The following BBS5 variants were observed in gnomAD, a reference collection of about 807,000 sequenced individuals.
BBS5 encodes the protein Bardet-Biedl syndrome 5.
A neutral mutation model predicts 50.2 loss-of-function variants in BBS5; 39 were observed. The ratio of observed to expected loss-of-function variants is 0.78; its 90% CI spans 0.60 to 1.01. The LOEUF (loss-of-function observed/expected upper bound fraction) is 1.01, where lower values mean the gene tolerates loss of function less well. Among genes scored for constraint, BBS5 ranks in the 50% least tolerant of loss-of-function variants. BBS5 has a pLI of 0.00. For synonymous variants in BBS5, 134 were observed against 133.1 expected, an observed-to-expected ratio of 1.01 and a Z score of -0.05; for missense variants, 356 against 401.5, an observed-to-expected ratio of 0.89 and a Z score of 0.97.
At position 169,500,419 on chromosome 2, in the gene BBS5, T is replaced by G. The variant is rs115467349; in HGVS notation, c.816+799T>G. The stretch of plus-strand genomic sequence containing the variant: ...TCACCATTCTGTCAGAGGTGCTCTT[T>G]CCATTTGCTCCACTGCCATTGCCCT... On this transcript the variant is annotated intron_variant, in intron 9 of 11. Coordinates refer to ENST00000295240, the MANE Select transcript of BBS5 (RefSeq NM_152384.3). 8.7e-3 allele frequency among the ~76,000 whole-genome samples: 1,328 copies of G among 152,302 alleles called. 25 individuals carry two copies. The highest frequency in any genetic ancestry group is 0.03 in the African/African-American group (1,252 of 41,554).
At chr2:169,502,166 T>C (rs1298292759) in intron 9 of BBS5, among the ~76,000 whole-genome samples, 1 of 152,216 alleles carries the variant, frequency 6.6e-6, no homozygotes, top group Non-Finnish European at 1.5e-5. Context: ...TAGCACACGA[T>C]AGGCTCTTAG....
Position 169,493,774 on chromosome 2 carries a change from A to C in BBS5, c.556A>C (p.Arg186=). 1 of 1,613,034 alleles carries C rather than the reference A, an allele frequency of 6.2e-7. No homozygotes were observed. Among genetic ancestry groups the C allele is most frequent in the African/African-American group, 1.3e-5 (1 of 75,020 alleles). The change falls in exon 7 of 12, where the codon AGA becomes CGA. Residue 186 remains arginine (R), a synonymous_variant. Transcript: ENST00000295240. Reference sequence around the variant, plus strand: ...AGGAACCTTTTTTATTACCAATGTGAGAATTGTGTGGCATGCAAATATGAA... The same window carrying C: ...AGGAACCTTTTTTATTACCAATGTGCGAATTGTGTGGCATGCAAATATGAA... ...NLGTFFITNV[R]IVWHANMNDS... is the part of the protein sequence containing the mutation.
In BBS5 at chr2:169,504,581, G is replaced by T; in HGVS notation, c.1025G>T (p.Ter342LeuextTer5). Residue 342 changes from the stop codon to leucine, a stop_lost, in exon 12 of 12, where the codon TGA becomes TTA. Transcript: ENST00000295240. ...CAGGGACTTTGGGAAGTAATGAGTT[G>T]ATTGACCTTGAGTTGAGATGGATTT... is the stretch of plus-strand genomic sequence containing the variant. ...TLQGLWEVMS[*>L] 6.2e-7 allele frequency: 1 copy of T among 1,600,414 alleles called. No homozygotes were observed. Among genetic ancestry groups the T allele is most frequent in the Non-Finnish European group, 8.6e-7 (1 of 1,167,540 alleles).
intron 7 of BBS5, among the ~76,000 whole-genome samples, 162 bp from the exon 8 acceptor site, chr2:169,497,465 T>C (rs372116924): frequency 1.3e-5 from 2 of 152,240 alleles, no homozygotes; most frequent in African/African-American, 4.8e-5. Context: ...GAGTCTTGTT[T>C]CTTTTACTTG....
chr2:169,502,290 ATAT>A (rs967371429), intron 9 of BBS5, among the ~76,000 whole-genome samples: 1 of 152,188 alleles, frequency 6.6e-6, no homozygotes, highest in African/African-American at 2.4e-5. Flanking sequence ...ACTGTGAGGC[ATAT>A]TATTATTATC....
rs1303691405 is a variant in BBS5, at chr2:169,486,261, T to C, written c.143-808T>C. Among the ~76,000 whole-genome samples the C allele has an allele frequency of 4.6e-5, 7 of 152,316 alleles. No homozygotes were observed. The East Asian group carries it at 1.2e-3, about 25-fold the overall frequency. On this transcript the variant is annotated intron_variant, in intron 2 of 11. Transcript: ENST00000295240. The stretch of plus-strand genomic sequence containing the variant: ...GCTATAGATTACTCATAAAAATAAT[T>C]TTATGATTGTAATTTGTTGGTGAAA...
At chr2:169,491,945 C>T (rs1354559187) in intron 5 of BBS5, among the ~76,000 whole-genome samples, 5 of 152,048 alleles carry the variant, frequency 3.3e-5, no homozygotes, top group Admixed American at 1.3e-4. Flanking sequence ...TACAAGTGCA[C>T]ACCACCACAC....
Position 169,504,629 on chromosome 2 carries a change from A to G in BBS5, c.*47A>G. 1 of 1,388,242 alleles carries G rather than the reference A, an allele frequency of 7.2e-7. No homozygotes were observed. Among genetic ancestry groups the G allele is most frequent in the Non-Finnish European group, 1.0e-6 (1 of 973,958 alleles). The allele number at this position is 1,388,242 out of a possible 1,614,324, so 86.0% of individuals were successfully genotyped here. On this transcript the variant is annotated 3_prime_UTR_variant, in exon 12 of 12. Coordinates refer to ENST00000295240, the MANE Select transcript of BBS5 (RefSeq NM_152384.3). ...TTTCTATTAAAGATATCTCTAGTTT[A>G]AAGATACTAGTCACCTGCCATAAGT...
chr2:169,487,620 AT>A, intron 3 of BBS5, 185 bp from the exon 4 acceptor site: 1 of 467,398 alleles, frequency 2.1e-6, no homozygotes. Context: ...AGGAGACAGA[AT>A]TGACCCTCTA....
chr2:169,491,452 A>C (rs950876703), intron 5 of BBS5, among the ~76,000 whole-genome samples: 1 of 152,244 alleles, frequency 6.6e-6, no homozygotes, highest in Non-Finnish European at 1.5e-5. Context: ...TAAAAATTAG[A>C]AGTTCAACAA....
Position 169,503,156 on chromosome 2 carries a change from A to G in BBS5, c.878A>G (p.Asp293Gly), listed in dbSNP as rs933203578. 6.2e-7 allele frequency: 1 copy of G among 1,613,718 alleles called. No homozygotes were observed. Reference protein sequence around the residue: ...QIQDDVEIDSDGHTDAFVAYF... With the variant: ...QIQDDVEIDSGGHTDAFVAYF... ...CAAGATGATGTAGAAATAGACTCTG[A>G]TGGTCACACGGATGCTTTTGTGGTG... The change falls in exon 10 of 12, where the codon GAT becomes GGT. Residue 293 changes from aspartate (D) to glycine (G), a missense_variant. Coordinates refer to ENST00000295240, the MANE Select transcript of BBS5 (RefSeq NM_152384.3).
chr2:169,490,122 G>T (rs757390448), intron 5 of BBS5, among the ~76,000 whole-genome samples: 1 of 147,146 alleles, frequency 6.8e-6, no homozygotes, highest in Non-Finnish European at 1.5e-5. Flanking sequence ...TGATCTGCCC[G>T]CCTCAGCCTC....
intron 5 of BBS5, among the ~76,000 whole-genome samples, chr2:169,491,177 A>C (rs143906811): frequency 6.6e-6 from 1 of 152,322 alleles, no homozygotes; most frequent in African/African-American, 2.4e-5. Context: ...TTGGGCATAT[A>C]CCTAAACCTT....
In BBS5 at chr2:169,499,526, A is replaced by G. The variant is rs1683759828; in HGVS notation, c.722A>G (p.Glu241Gly). ...YVLGFKIDPV[E>G]KLQESVKEIN... The stretch of plus-strand genomic sequence containing the variant: ...CTTGGCTTTAAAATAGATCCTGTGG[A>G]AAAACTACAAGAATCAGTTAAGGAA... Residue 241 changes from glutamate to glycine, a missense_variant, in exon 9 of 12, where the codon GAA becomes GGA. By Grantham distance (98) the Glu-to-Gly change is moderately conservative (BLOSUM62 -2). Coordinates refer to ENST00000295240, the MANE Select transcript of BBS5 (RefSeq NM_152384.3). 1.9e-6 allele frequency: 3 copies of G among 1,613,574 alleles called. No homozygotes were observed. The African/African-American group carries it at 4.0e-5, about 22-fold the overall frequency.
Position 169,504,758 on chromosome 2 carries a change from CG to C in BBS5, c.*177del. ...TTAGAAAACTTCAGTTTTCGGCCAGCGCGTCGAGGGAGGGGCCAGCGACACA... is the reference window on the plus strand; with the variant it reads ...TTAGAAAACTTCAGTTTTCGGCCAGCCGTCGAGGGAGGGGCCAGCGACACA... On this transcript the variant is annotated 3_prime_UTR_variant, in exon 12 of 12. Coordinates refer to ENST00000295240, the MANE Select transcript of BBS5 (RefSeq NM_152384.3). The C allele has an allele frequency of 7.5e-7, 1 of 1,337,336 alleles. No homozygotes were observed. Among genetic ancestry groups the C allele is most frequent in the South Asian group, 1.3e-5 (1 of 75,730 alleles). 82.8% of individuals were successfully genotyped at this position (1,337,336 alleles called of 1,614,324 possible).
chr2:169,482,438 G>A lies in BBS5; in HGVS notation c.142+105G>A, dbSNP rs1683414443. On this transcript the variant is annotated intron_variant, in intron 2 of 11. Coordinates refer to ENST00000295240, the MANE Select transcript of BBS5 (RefSeq NM_152384.3). The stretch of plus-strand genomic sequence containing the variant: ...AACAGCATCATTTGTCAGTGTAATT[G>A]TGAGAATAGGAGAGTTAAATTCACA... 9 of 832,220 alleles carry A rather than the reference G, an allele frequency of 1.1e-5. No homozygotes were observed. In the Admixed American group the frequency reaches 1.4e-4, roughly 13 times the overall value. 51.6% of individuals were successfully genotyped at this position (832,220 alleles called of 1,614,324 possible).
At chr2:169,503,511 A>C (rs1559126452) in intron 10 of BBS5, among the ~76,000 whole-genome samples, 1 of 152,250 alleles carries the variant, frequency 6.6e-6, no homozygotes, top group Non-Finnish European at 1.5e-5. Context: ...AAAAAGAAAA[A>C]AAAGGAAAGA....
At position 169,492,955 on chromosome 2, in the gene BBS5, A is replaced by G. The variant is rs200636409; in HGVS notation, c.468A>G (p.Pro156=). ...LIQNKQLRLL[P]QEHVYDKING... ...AGAACAAGCAACTAAGACTGTTGCC[A>G]CAAGAACATGTATATGATAAAATAA... Residue 156 remains proline (P), a synonymous_variant, in exon 6 of 12, where the codon CCA becomes CCG. Coordinates refer to ENST00000295240, the MANE Select transcript of BBS5 (RefSeq NM_152384.3). The G allele has an allele frequency of 2.2e-4, 360 of 1,613,478 alleles. 3 individuals carry two copies. The highest frequency in any genetic ancestry group is 1.0e-4 in the Non-Finnish European group (123 of 1,179,656).
intron 5 of BBS5, among the ~76,000 whole-genome samples, chr2:169,491,595 T>C (rs1363058042): frequency 6.6e-6 from 1 of 152,096 alleles, no homozygotes; most frequent in Non-Finnish European, 1.5e-5. Flanking sequence ...CAATAGACAT[T>C]GAAAAAGTTA....
Sources: gnomAD v4.1 joint callset for allele counts (sites outside exome capture counted in the v4.1 genomes callset) on GRCh38, gnomAD v4.1.1 for gene constraint, MANE v1.5 for transcripts, NCBI Gene and HGNC (gene_info 2026-07-23, HGNC 2026-07-21) for gene names.